The following VDAC1 variants were observed in gnomAD, a reference collection of about 807,000 sequenced individuals.
VDAC1 encodes the protein non-selective voltage-gated ion channel VDAC1.
A neutral mutation model predicts 34.7 loss-of-function variants in VDAC1; 10 were observed. The observed-to-expected ratio is 0.29, with a 90% confidence interval of 0.18 to 0.49. VDAC1 has a LOEUF of 0.49. VDAC1 is among the 20% of genes least tolerant of loss of function. The pLI is 0.99. For synonymous variants in VDAC1, 130 were observed against 136.0 expected (o/e 0.96, Z 0.30); for missense variants, 230 against 347.9 (o/e 0.66, Z 2.69).
At chr5:134,028,622 T>C in the VDAC1 span, among the ~76,000 whole-genome samples, 1 of 152,214 alleles carries the variant, frequency 6.6e-6, no homozygotes, top group African/African-American at 2.4e-5. Context: ...CTAATTCCTC[T>C]GGCCTGGCAT....
At chr5:133,990,396 T>A (rs1753062390) in intron 5 of VDAC1, among the ~76,000 whole-genome samples, 2 of 152,198 alleles carry the variant, frequency 1.3e-5, no homozygotes, top group Admixed American at 1.3e-4. Flanking sequence ...ACCAGCAGCC[T>A]AACTCACATG....
the VDAC1 span, among the ~76,000 whole-genome samples, chr5:134,080,659 AC>A: frequency 6.6e-6 from 1 of 152,162 alleles, no homozygotes; most frequent in African/African-American, 2.4e-5. Flanking sequence ...TGCTCTTACC[AC>A]CCACCAGACT....
the VDAC1 span, among the ~76,000 whole-genome samples, chr5:134,073,433 A>G: frequency 1.3e-5 from 2 of 152,238 alleles, no homozygotes; most frequent in African/African-American, 4.8e-5. Context: ...AAACCTCTCC[A>G]GGTAGTTTCC....
At position 133,975,874 on chromosome 5, in the gene VDAC1, G is replaced by A; in HGVS notation, c.699C>T (p.Phe233=). The A allele has an allele frequency of 3.1e-6, 5 of 1,611,914 alleles. No homozygotes were observed. Among genetic ancestry groups the A allele is most frequent in the Non-Finnish European group, 4.2e-6 (5 of 1,179,804 alleles). The change falls in exon 7 of 9, where the codon TTC becomes TTT. Residue 233 remains phenylalanine (F), a synonymous_variant. Transcript: ENST00000265333. ...GCGTGATTCCACAGATACCCACCGA[G>A]AAGCAGGCGTCAGGGTCAATCTGAT... is the stretch of plus-strand genomic sequence containing the variant. ...AKYQIDPDAC[F]SAKVNNSSLI... is the part of the protein sequence containing the mutation.
chr5:134,037,825 CA>C, the VDAC1 span, among the ~76,000 whole-genome samples: 1 of 152,046 alleles, frequency 6.6e-6, no homozygotes, highest in African/African-American at 2.4e-5. Context: ...AAAAAGCCCC[CA>C]AAAACAACAA....
At chr5:133,976,111 A>G (rs1212415106) in intron 6 of VDAC1, 90 bp from the exon 7 acceptor site, 1 of 1,519,644 alleles carries the variant, frequency 6.6e-7, no homozygotes, top group Non-Finnish European at 9.1e-7. Context: ...GAAGACAGGG[A>G]TGACAGAAAT....
At chr5:134,013,292 T>C in the VDAC1 span, among the ~76,000 whole-genome samples, 1 of 152,070 alleles carries the variant, frequency 6.6e-6, no homozygotes, top group Non-Finnish European at 1.5e-5. Flanking sequence ...AAAATTAGCC[T>C]GGCATGGTGG....
At chr5:134,023,358 A>G in the VDAC1 span, among the ~76,000 whole-genome samples, 1 of 151,814 alleles carries the variant, frequency 6.6e-6, no homozygotes, top group Non-Finnish European at 1.5e-5. Flanking sequence ...TAGGACAAAT[A>G]CCTAATGCAT....
chr5:134,093,286 A>T, the VDAC1 span, among the ~76,000 whole-genome samples: 1 of 152,178 alleles, frequency 6.6e-6, no homozygotes, highest in Non-Finnish European at 1.5e-5. Context: ...GCAGTTATAT[A>T]CTGATGTATT....
chr5:134,103,693 T>TC, the VDAC1 span, among the ~76,000 whole-genome samples: 3 of 152,038 alleles, frequency 2.0e-5, no homozygotes, highest in Non-Finnish European at 4.4e-5. Context: ...TTTAAGTGCT[T>TC]CCCCCCTGCA....
chr5:134,063,328 G>A, the VDAC1 span, among the ~76,000 whole-genome samples: 1 of 152,178 alleles, frequency 6.6e-6, no homozygotes, highest in East Asian at 1.9e-4. Flanking sequence ...ATTTAGGGAG[G>A]GTTGATTTAT....
At chr5:133,993,542 T>C (rs2126983561) in intron 1 of VDAC1, among the ~76,000 whole-genome samples, 1 of 152,358 alleles carries the variant, frequency 6.6e-6, no homozygotes, top group East Asian at 1.9e-4. Flanking sequence ...TATGCCAGGA[T>C]GGGCCCAACT....
the VDAC1 span, among the ~76,000 whole-genome samples, chr5:134,033,900 G>A: frequency 1.3e-5 from 2 of 151,972 alleles, no homozygotes; most frequent in African/African-American, 2.4e-5. Context: ...GCTGAGGCAG[G>A]AGAACGGCAT....
the VDAC1 span, among the ~76,000 whole-genome samples, chr5:134,022,779 A>T: frequency 6.6e-6 from 1 of 152,246 alleles, no homozygotes; most frequent in Non-Finnish European, 1.5e-5. Flanking sequence ...AAAAATGACA[A>T]GCCCTTCACA....
chr5:134,037,734 G>A, the VDAC1 span, among the ~76,000 whole-genome samples: 7 of 152,130 alleles, frequency 4.6e-5, no homozygotes, highest in Non-Finnish European at 1.0e-4. Flanking sequence ...AGCCATCAGG[G>A]AGGTTGGGTC....
At chr5:134,066,451 A>C in the VDAC1 span, among the ~76,000 whole-genome samples, 2 of 152,192 alleles carry the variant, frequency 1.3e-5, no homozygotes, top group Non-Finnish European at 2.9e-5. Context: ...CCTGAAAATC[A>C]CTGTCTTTTA....
the VDAC1 span, among the ~76,000 whole-genome samples, chr5:134,060,880 C>CTTTTCTTTTTT: frequency 1.0e-5 from 1 of 98,682 alleles, no homozygotes; most frequent in Non-Finnish European, 1.9e-5. Context: ...TCTTCTTCTT[C>CTTTTCTTTTTT]TTTTTTTTTT....
the VDAC1 span, among the ~76,000 whole-genome samples, chr5:134,040,811 A>C: frequency 6.6e-6 from 1 of 152,192 alleles, no homozygotes; most frequent in Non-Finnish European, 1.5e-5. Flanking sequence ...GCTATCCAAT[A>C]GTGTCTCCTC....
chr5:134,067,747 C>T, the VDAC1 span, among the ~76,000 whole-genome samples: 119 of 152,094 alleles, frequency 7.8e-4, no homozygotes, highest in African/African-American at 2.7e-3. Context: ...ATTACTCTTG[C>T]AGCTTATACT....
Sources: allele counts gnomAD v4.1 joint callset (sites outside exome capture counted in the v4.1 genomes callset), GRCh38; gene constraint gnomAD v4.1.1; transcripts MANE v1.5; gene names NCBI Gene and HGNC (gene_info 2026-07-23, HGNC 2026-07-21).